Variants in METTL6 observed in about 807,000 individuals in gnomAD.
The protein encoded by METTL6 is tRNA N(3)-cytidine methyltransferase METTL6.
In METTL6, 22 loss-of-function variants were observed where a neutral mutation model predicts 26.4. That is an observed-to-expected ratio of 0.83 (90% CI 0.59 to 1.19). The LOEUF is 1.19. Among genes scored for constraint, METTL6 ranks in the 50% most tolerant of loss-of-function variants. The pLI is 0.00. For synonymous variants in METTL6, 109 were observed against 116.2 expected (o/e 0.94, Z 0.40); for missense variants, 304 against 324.8 (o/e 0.94, Z 0.49).
chr3:15,411,482 A>T, intron 5 of METTL6, 45 bp from the exon 6 acceptor site: 1 of 1,577,982 alleles, frequency 6.3e-7, no homozygotes, highest in African/African-American at 1.4e-5. Context: ...TCATAACATT[A>T]CATTTGCTTT....
chr3:15,406,586 T>TTATA (rs57272118), downstream of METTL6, among the ~76,000 whole-genome samples: 5 of 17,882 alleles, frequency 2.8e-4, no homozygotes, highest in Non-Finnish European at 5.1e-4. Context: ...AAACAAACAG[T>TTATA]TATATATATA....
At chr3:15,427,192 A>G (rs1027287245) in intron 1 of METTL6, among the ~76,000 whole-genome samples, 3 of 152,170 alleles carry the variant, frequency 2.0e-5, no homozygotes, top group Non-Finnish European at 4.4e-5. Flanking sequence ...TCACCGGGCA[A>G]AGTGGAGAAA....
At chr3:15,393,669 C>A (rs1414388438) in intron 6 of METTL6, among the ~76,000 whole-genome samples, 1 of 152,104 alleles carries the variant, frequency 6.6e-6, no homozygotes, top group African/African-American at 2.4e-5. Flanking sequence ...GAGATACGTC[C>A]CATCAGTACC....
At chr3:15,416,743 G>A (rs1700223321) in intron 3 of METTL6, among the ~76,000 whole-genome samples, 1 of 152,140 alleles carries the variant, frequency 6.6e-6, no homozygotes. Context: ...ATTTTGGTTG[G>A]TAGGCTTCAA....
chr3:15,426,707 T>C (rs1312996582), intron 1 of METTL6, 72 bp from the exon 2 acceptor site: 4 of 603,090 alleles, frequency 6.6e-6, no homozygotes, highest in African/African-American at 3.7e-5. Context: ...TCACCAAATG[T>C]TTATGAGATG....
chr3:15,416,217 T>G (rs892755824), intron 3 of METTL6, among the ~76,000 whole-genome samples: 2 of 152,162 alleles, frequency 1.3e-5, no homozygotes, highest in East Asian at 3.9e-4. Flanking sequence ...GCATATTATT[T>G]CCAGAGGGAT....
At chr3:15,405,885 C>G (rs1319191120), downstream of METTL6, among the ~76,000 whole-genome samples, 1 of 152,162 alleles carries the variant, frequency 6.6e-6, no homozygotes, top group Non-Finnish European at 1.5e-5. Flanking sequence ...CATGTGGAGT[C>G]TGAAGTTCAA....
intron 6 of METTL6, among the ~76,000 whole-genome samples, chr3:15,394,141 T>A (rs1301466915): frequency 6.6e-6 from 1 of 152,232 alleles, no homozygotes; most frequent in African/African-American, 2.4e-5. Context: ...CTTTTTTTGG[T>A]TGGTAAGCTA....
intron 6 of METTL6, among the ~76,000 whole-genome samples, chr3:15,392,917 A>C (rs1313566054): frequency 2.0e-5 from 3 of 152,128 alleles, no homozygotes; most frequent in Admixed American, 6.6e-5. Flanking sequence ...GTATAGTTTG[A>C]AGTCAGGTAG....
chr3:15,385,626 C>A (rs915847094), intron 6 of METTL6, among the ~76,000 whole-genome samples: 7 of 151,842 alleles, frequency 4.6e-5, no homozygotes, highest in African/African-American at 1.7e-4. Flanking sequence ...ACAAAAAAAC[C>A]CCACTTGTTG....
At chr3:15,406,654 A>G (rs1474767644), downstream of METTL6, among the ~76,000 whole-genome samples, 1 of 143,816 alleles carries the variant, frequency 7.0e-6, no homozygotes, top group African/African-American at 2.6e-5. Flanking sequence ...AGAGAGAGAG[A>G]GAGAGAGAGA....
intron 3 of METTL6, among the ~76,000 whole-genome samples, chr3:15,417,119 C>G (rs1700239604): frequency 2.0e-5 from 3 of 152,138 alleles, no homozygotes; most frequent in Admixed American, 2.0e-4. Flanking sequence ...AGCTATGATC[C>G]ATGCCACTGC....
At chr3:15,401,536 C>CAAAAAAAAAAAAAAAAAAAAGA (rs1699644747) in intron 6 of METTL6, among the ~76,000 whole-genome samples, 1 of 71,860 alleles carries the variant, frequency 1.4e-5, no homozygotes, top group Non-Finnish European at 2.7e-5. Flanking sequence ...ATGTTCACGC[C>CAAAAAAAAAAAAAAAAAAAAGA]AAAAAAAAAA....
At chr3:15,413,174 G>A (rs1575419155) in intron 5 of METTL6, among the ~76,000 whole-genome samples, 3 of 152,192 alleles carry the variant, frequency 2.0e-5, no homozygotes, top group Non-Finnish European at 4.4e-5. Flanking sequence ...GAGCCTGGGT[G>A]GTGGGGGTTG....
intron 4 of METTL6, chr3:15,415,061 A>C: frequency 4.4e-6 from 4 of 899,608 alleles, no homozygotes; most frequent in Non-Finnish European, 4.2e-6. Flanking sequence ...CAAACAAACA[A>C]ACAAAAAACC....
At chr3:15,386,322 C>A (rs2124887995) in intron 6 of METTL6, among the ~76,000 whole-genome samples, 1 of 152,282 alleles carries the variant, frequency 6.6e-6, no homozygotes, top group African/African-American at 2.4e-5. Context: ...CAACTAGATG[C>A]CTGCTTCCTT....
chr3:15,411,399 C>G lies in METTL6; in HGVS notation c.712G>C (p.Glu238Gln), dbSNP rs780099409. ...CGAAACACATACTCGTTTACCACTT[C>G]TTCATAACCTGTGTCCATAAAGAGC... ...AQLFMDTGYE[E>Q]VVNEYVFRET... The change falls in exon 6 of 6, where the codon GAA (glutamate) becomes CAA (glutamine). Residue 238 changes from glutamate to glutamine, a missense_variant. By Grantham distance (29) the Glu-to-Gln change is conservative. Coordinates refer to ENST00000383790, the MANE Select transcript of METTL6 (RefSeq NM_152396.4). 1 of 1,614,184 alleles carries G rather than the reference C, an allele frequency of 6.2e-7. No individual in the cohort carries two copies. Among genetic ancestry groups the G allele is most frequent in the South Asian group, 1.1e-5 (1 of 91,086 alleles).
At chr3:15,400,476 C>T (rs112279505) in intron 6 of METTL6, among the ~76,000 whole-genome samples, 74 of 152,144 alleles carry the variant, frequency 4.9e-4, no homozygotes, top group African/African-American at 1.3e-3. Flanking sequence ...AGAGGGTGAA[C>T]GAAAAGTTCC....
At chr3:15,411,784 A>C (rs1699978269) in intron 5 of METTL6, among the ~76,000 whole-genome samples, 1 of 151,244 alleles carries the variant, frequency 6.6e-6, no homozygotes, top group South Asian at 2.1e-4. Flanking sequence ...TTTTTTTTTG[A>C]GACACAATGT....
Sources: gnomAD v4.1 joint callset for allele counts (sites outside exome capture counted in the v4.1 genomes callset) on GRCh38, gnomAD v4.1.1 for gene constraint, MANE v1.5 for transcripts, NCBI Gene and HGNC (gene_info 2026-07-23, HGNC 2026-07-21) for gene names.